Variants in CDH13 observed in about 807,000 individuals in gnomAD.
CDH13 encodes the protein cadherin 13.
In CDH13, 24 loss-of-function variants were observed where a neutral mutation model predicts 63.8. The ratio of observed to expected loss-of-function variants is 0.38; its 90% confidence interval spans 0.27 to 0.53. CDH13 has a LOEUF of 0.53. CDH13 is among the 20% of genes least tolerant of loss of function. The pLI is 0.85. For missense variants in CDH13, 1,049 were observed against 903.1 expected (o/e 1.16, Z -2.07); for synonymous variants, 503 against 355.3 (o/e 1.42, Z -4.67).
intron 2 of CDH13, among the ~76,000 whole-genome samples, chr16:82,883,998 T>G (rs929846): frequency 0.75 from 114,499 of 151,990 alleles, 43,357 homozygotes; most frequent in East Asian, 0.89. Context: ...TTGATTATCA[T>G]ACCCCCATCA....
At chr16:82,825,701 A>G (rs1597717357) in intron 1 of CDH13, 1 of 151,682 alleles carries the variant, frequency 6.6e-6, no homozygotes, top group Non-Finnish European at 1.5e-5. Context: ...ATGCACCACC[A>G]TGCCCGGCTA....
chr16:83,636,786 T>G (rs1911303658), intron 8 of CDH13, among the ~76,000 whole-genome samples: 1 of 152,188 alleles, frequency 6.6e-6, no homozygotes, highest in Non-Finnish European at 1.5e-5. Flanking sequence ...AGTGATGGGA[T>G]TGCTGGGCCA....
intron 1 of CDH13, among the ~76,000 whole-genome samples, chr16:82,856,632 G>C (rs1280486636): frequency 7.1e-6 from 1 of 140,694 alleles, no homozygotes; most frequent in Non-Finnish European, 1.5e-5. Flanking sequence ...AGCCCAGGAG[G>C]TTGGGTCTGC....
intron 2 of CDH13, among the ~76,000 whole-genome samples, chr16:83,014,878 A>ATT (rs1567746180): frequency 5.8e-5 from 8 of 137,308 alleles, no homozygotes; most frequent in African/African-American, 2.2e-4. Flanking sequence ...GTATATATAT[A>ATT]TGTTTGTGTA....
chr16:83,787,983 G>T (rs567157520), intron 13 of CDH13, among the ~76,000 whole-genome samples: 1 of 152,324 alleles, frequency 6.6e-6, no homozygotes, highest in South Asian at 2.1e-4. Context: ...GAATAACAGA[G>T]TTTGGATAAA....
At chr16:83,069,404 C>G (rs2032269172) in intron 3 of CDH13, among the ~76,000 whole-genome samples, 1 of 152,116 alleles carries the variant, frequency 6.6e-6, no homozygotes, top group African/African-American at 2.4e-5. Flanking sequence ...TAAGAATCAC[C>G]TATAGAAACA....
intron 4 of CDH13, among the ~76,000 whole-genome samples, chr16:83,133,001 T>C (rs1296301667): frequency 6.6e-6 from 1 of 152,180 alleles, no homozygotes; most frequent in Non-Finnish European, 1.5e-5. Flanking sequence ...ATTCACACTC[T>C]AAGGCTGCAC....
intron 3 of CDH13, among the ~76,000 whole-genome samples, chr16:83,064,587 G>A (rs942792701): frequency 1.3e-5 from 2 of 152,078 alleles, no homozygotes; most frequent in African/African-American, 2.4e-5. Context: ...AACATAAAAA[G>A]CAATGAGATA....
chr16:83,723,111 G>A (rs926530045), intron 10 of CDH13, among the ~76,000 whole-genome samples: 1 of 152,228 alleles, frequency 6.6e-6, no homozygotes, highest in African/African-American at 2.4e-5. Context: ...CTGGTTACCA[G>A]AAGCAAGGTG....
At chr16:82,669,989 T>C (rs183940827) in intron 1 of CDH13, among the ~76,000 whole-genome samples, 6 of 152,334 alleles carry the variant, frequency 3.9e-5, no homozygotes, top group African/African-American at 1.2e-4. Flanking sequence ...GAAACCATTA[T>C]GCAGTTTTTA....
intron 2 of CDH13, among the ~76,000 whole-genome samples, chr16:82,989,768 G>A (rs902943367): frequency 6.6e-6 from 1 of 152,108 alleles, no homozygotes. Context: ...TTTCATCCCC[G>A]TCCTGGCCAG....
intron 1 of CDH13, among the ~76,000 whole-genome samples, chr16:82,800,325 G>T (rs1010279214): frequency 1.3e-5 from 2 of 152,154 alleles, no homozygotes; most frequent in Non-Finnish European, 2.9e-5. Context: ...TGAAGACCCA[G>T]TTCAATGGGT....
chr16:82,665,389 G>T (rs186797874), intron 1 of CDH13, among the ~76,000 whole-genome samples: 1 of 152,130 alleles, frequency 6.6e-6, no homozygotes, highest in African/African-American at 2.4e-5. Context: ...CGAGGCGCAC[G>T]TAAAACAAGG....
intron 10 of CDH13, among the ~76,000 whole-genome samples, chr16:83,705,515 G>A (rs898480201): frequency 2.0e-5 from 3 of 152,044 alleles, no homozygotes; most frequent in Non-Finnish European, 2.9e-5. Flanking sequence ...CCAGCTACTC[G>A]GGAGGCTGAG....
chr16:83,763,116 G>C (rs1346208977), intron 11 of CDH13, among the ~76,000 whole-genome samples: 1 of 152,110 alleles, frequency 6.6e-6, no homozygotes, highest in Non-Finnish European at 1.5e-5. Flanking sequence ...TTTAAAACAA[G>C]CCAAATTACC....
chr16:82,937,234 A>G (rs1450770441), intron 2 of CDH13, among the ~76,000 whole-genome samples: 2 of 152,166 alleles, frequency 1.3e-5, no homozygotes, highest in African/African-American at 4.8e-5. Flanking sequence ...GACTCATGCT[A>G]GGTGCTAGCC....
At chr16:83,041,409 A>G (rs975873395) in intron 3 of CDH13, among the ~76,000 whole-genome samples, 24 of 152,154 alleles carry the variant, frequency 1.6e-4, no homozygotes, top group African/African-American at 5.3e-4. Flanking sequence ...AAAAAAAAAT[A>G]AAAGGAGCAA....
At chr16:83,143,109 A>T (rs1310914747) in intron 4 of CDH13, among the ~76,000 whole-genome samples, 1 of 152,186 alleles carries the variant, frequency 6.6e-6, no homozygotes, top group African/African-American at 2.4e-5. Flanking sequence ...CACCTCAAAA[A>T]ATAAAAAAGA....
chr16:83,386,410 A>T (rs1443516467), intron 6 of CDH13, among the ~76,000 whole-genome samples: 1 of 152,214 alleles, frequency 6.6e-6, no homozygotes, highest in East Asian at 1.9e-4. Flanking sequence ...CCATGGCTCA[A>T]GCTGAGACTT....
Sources: gnomAD v4.1 joint callset for allele counts (sites outside exome capture counted in the v4.1 genomes callset) on GRCh38, gnomAD v4.1.1 for gene constraint, MANE v1.5 for transcripts, NCBI Gene and HGNC (gene_info 2026-07-23, HGNC 2026-07-21) for gene names.